Variants in AGBL4 observed in about 807,000 individuals in gnomAD.
The protein encoded by AGBL4 is AGBL carboxypeptidase 4, also known as cytosolic carboxypeptidase 6.
AGBL4 carries 58 observed loss-of-function variants against 66.4 expected under a neutral mutation model. The observed-to-expected ratio is 0.87, with a 90% CI of 0.71 to 1.09. The LOEUF (loss-of-function observed/expected upper bound fraction) is 1.09, where lower values mean the gene tolerates loss of function less well. Among genes scored for constraint, AGBL4 ranks in the 50% least tolerant of loss-of-function variants. AGBL4 has a pLI of 0.00. For missense variants in AGBL4, 579 were observed against 631.0 expected (o/e 0.92, Z 0.88); for synonymous variants, 234 against 222.9 (o/e 1.05, Z -0.44).
At chr1:49,846,261 A>T in intron 2 of AGBL4, 1 of 1,471,268 alleles carries the variant, frequency 6.8e-7, no homozygotes, top group South Asian at 1.1e-5. Context: ...GATTGTGGAA[A>T]GTCCTTTAGG....
At position 48,736,300 on chromosome 1, in the gene AGBL4, T is replaced by C; in HGVS notation, c.635-73059A>G. 3 of 1,614,204 alleles carry C rather than the reference T, an allele frequency of 1.9e-6. No individual in the cohort carries two copies. Among genetic ancestry groups the C allele is most frequent in the Non-Finnish European group, 2.5e-6 (3 of 1,180,028 alleles). ...GTTTAGGGACTGCATCTTTCTTTTT[T>C]TTTGTGGCGACGCCTGTGACGCTTC... On this transcript the variant is annotated intron_variant, in intron 6 of 13. Transcript: ENST00000371839. The surrounding 1 kb of genome is among the most constrained non-coding windows in gnomAD (Gnocchi z 4.0).
intron 6 of AGBL4, among the ~76,000 whole-genome samples, chr1:48,746,082 A>G (rs1432009625): frequency 1.3e-5 from 2 of 152,176 alleles, no homozygotes; most frequent in African/African-American, 4.8e-5. Context: ...CACATAAATA[A>G]TTGCTTAACC....
chr1:49,948,194 A>G (rs1655598119), intron 1 of AGBL4, among the ~76,000 whole-genome samples: 1 of 97,344 alleles, frequency 1.0e-5, no homozygotes, highest in Non-Finnish European at 1.8e-5. Flanking sequence ...ATATAAATAT[A>G]TATAAATATA....
chr1:49,165,025 A>C (rs1407150870), intron 4 of AGBL4, among the ~76,000 whole-genome samples: 1 of 152,108 alleles, frequency 6.6e-6, no homozygotes, highest in African/African-American at 2.4e-5. Context: ...ATACTCCAAA[A>C]CAGCTCCTAA....
intron 2 of AGBL4, among the ~76,000 whole-genome samples, chr1:49,760,235 T>TA (rs1442442534): frequency 2.6e-5 from 4 of 152,182 alleles, no homozygotes; most frequent in Non-Finnish European, 4.4e-5. Flanking sequence ...TTTCGTCCCA[T>TA]TCTTTAGGTT....
intron 1 of AGBL4, among the ~76,000 whole-genome samples, chr1:49,865,462 C>A (rs959217222): frequency 1.3e-5 from 2 of 152,200 alleles, no homozygotes; most frequent in East Asian, 1.9e-4. Flanking sequence ...GGGACCCAGG[C>A]AAATAGAGTC....
chr1:48,660,803 C>T (rs1195183035), intron 7 of AGBL4, among the ~76,000 whole-genome samples: 2 of 151,270 alleles, frequency 1.3e-5, no homozygotes, highest in Non-Finnish European at 3.0e-5. Flanking sequence ...GCATCCTGAT[C>T]TGTAAAATGC....
chr1:49,199,849 C>T (rs1008168092), intron 4 of AGBL4, among the ~76,000 whole-genome samples: 3 of 152,084 alleles, frequency 2.0e-5, no homozygotes, highest in Non-Finnish European at 4.4e-5. Flanking sequence ...TTGTCTTGAC[C>T]CTGGTCTTTC....
chr1:49,842,055 G>C (rs896706610), intron 2 of AGBL4: 4 of 372,834 alleles, frequency 1.1e-5, no homozygotes, highest in African/African-American at 2.1e-5. Context: ...CTTGTGCCCA[G>C]CCTCTACTCA....
At chr1:49,788,133 G>T (rs1644506185) in intron 2 of AGBL4, among the ~76,000 whole-genome samples, 1 of 152,102 alleles carries the variant, frequency 6.6e-6, no homozygotes, top group African/African-American at 2.4e-5. Flanking sequence ...CACACACAAA[G>T]GACTTTTCTT....
intron 9 of AGBL4, among the ~76,000 whole-genome samples, chr1:48,594,302 C>A (rs1644963397): frequency 1.3e-5 from 2 of 151,880 alleles, no homozygotes; most frequent in Admixed American, 6.6e-5. Flanking sequence ...CTGGCCTGGG[C>A]AACAAGAGTG....
At chr1:49,373,007 G>C (rs1188797638) in intron 3 of AGBL4, among the ~76,000 whole-genome samples, 1 of 151,832 alleles carries the variant, frequency 6.6e-6, no homozygotes, top group Non-Finnish European at 1.5e-5. Flanking sequence ...GATCCTCCTG[G>C]GTCACCTTCC....
rs992948037 is a variant in AGBL4 at position 48,840,576 on chromosome 1, T to C, written c.634+26615A>G. On this transcript the variant is annotated intron_variant, in intron 6 of 13. Transcript: ENST00000371839. ...AAATGAGAATTAAAAACACAAGCTA[T>C]CACTACAGACCAATTAGACTGGTGA... Among the ~76,000 whole-genome samples the C allele has an allele frequency of 2.0e-5, 3 of 152,098 alleles. No individual in the cohort carries two copies. In the South Asian group the frequency reaches 6.2e-4, roughly 31 times the overall value.
At chr1:48,703,722 C>T (rs997242474) in intron 6 of AGBL4, among the ~76,000 whole-genome samples, 2 of 152,008 alleles carry the variant, frequency 1.3e-5, no homozygotes, top group Non-Finnish European at 2.9e-5. Flanking sequence ...AATTAAGAAA[C>T]AAAAACCCAT....
chr1:49,206,183 T>C (rs1648114164), intron 4 of AGBL4, among the ~76,000 whole-genome samples: 1 of 152,168 alleles, frequency 6.6e-6, no homozygotes, highest in South Asian at 2.1e-4. Flanking sequence ...GCAATCTGTA[T>C]GTGTTTGGGG....
intron 2 of AGBL4, among the ~76,000 whole-genome samples, chr1:49,717,860 T>C (rs1358352967): frequency 6.6e-6 from 1 of 152,024 alleles, no homozygotes; most frequent in African/African-American, 2.4e-5. Flanking sequence ...ATTGAGGTAA[T>C]ATATTAAAGC....
At chr1:49,344,951 T>C (rs959694020) in intron 3 of AGBL4, among the ~76,000 whole-genome samples, 1 of 152,206 alleles carries the variant, frequency 6.6e-6, no homozygotes, top group East Asian at 1.9e-4. Context: ...AAATGACTTA[T>C]GGTGATCTGG....
chr1:49,333,280 C>A (rs1645370992), intron 3 of AGBL4, among the ~76,000 whole-genome samples: 1 of 152,108 alleles, frequency 6.6e-6, no homozygotes, highest in Non-Finnish European at 1.5e-5. Flanking sequence ...GAGATCAATA[C>A]CATCCTGGCA....
chr1:48,755,519 G>C (rs1339258906), intron 6 of AGBL4, among the ~76,000 whole-genome samples: 1 of 152,176 alleles, frequency 6.6e-6, no homozygotes, highest in East Asian at 1.9e-4. Context: ...GAGGCCCAGG[G>C]GGCAGAGAAC....
Sources: gnomAD v4.1 joint callset for allele counts (sites outside exome capture counted in the v4.1 genomes callset) on GRCh38, gnomAD v4.1.1 for gene constraint, Gnocchi (gnomAD v3.1) non-coding constraint, MANE v1.5 for transcripts, NCBI Gene and HGNC (gene_info 2026-07-23, HGNC 2026-07-21) for gene names.